Variants in MTCL1 observed in about 807,000 individuals in gnomAD.
MTCL1 encodes microtubule crosslinking factor 1.
In MTCL1, 79 loss-of-function variants were observed where a neutral mutation model predicts 141.4. That is an observed-to-expected ratio of 0.56 (90% CI 0.47 to 0.67). The LOEUF is 0.67. Among genes scored for constraint, MTCL1 ranks in the 30% least tolerant of loss-of-function variants. MTCL1 has a pLI of 0.00. For synonymous variants in MTCL1, 914 were observed against 875.8 expected (o/e 1.04, Z -0.77); for missense variants, 2,177 against 2,113.9 (o/e 1.03, Z -0.59).
chr18:8,756,319 ATGTGTGTATATATATG>A (rs1382238175), intron 4 of MTCL1, among the ~76,000 whole-genome samples: 21 of 151,562 alleles, frequency 1.4e-4, no homozygotes, highest in Admixed American at 9.9e-4. Flanking sequence ...GTGTGTATGT[ATGTGTGTATATATATG>A]TGTGTGTATA....
intron 1 of MTCL1, among the ~76,000 whole-genome samples, chr18:8,710,280 G>A (rs2096079916): frequency 6.6e-6 from 1 of 151,898 alleles, no homozygotes; most frequent in African/African-American, 2.4e-5. Flanking sequence ...GGGTGACTAG[G>A]TGAAAAATGC....
chr18:8,819,630 G>T (rs2076776148), intron 13 of MTCL1, among the ~76,000 whole-genome samples: 1 of 152,060 alleles, frequency 6.6e-6, no homozygotes, highest in South Asian at 2.1e-4. Context: ...GGAGATGGAG[G>T]TCTCACTCTC....
chr18:8,762,146 G>A (rs1421490952), intron 4 of MTCL1, among the ~76,000 whole-genome samples: 1 of 152,172 alleles, frequency 6.6e-6, no homozygotes, highest in Non-Finnish European at 1.5e-5. Context: ...GAGTATTGGT[G>A]TTCAGGTATA....
In MTCL1 at chr18:8,705,697, C is replaced by T. The variant is rs1567913581; in HGVS notation, c.37C>T (p.Pro13Ser). ...GAACGGCCCCGCGGGCGGAGGTGCC[C>T]CGGACGCGAAGCTGCAGCCGCCCGG... is the stretch of plus-strand genomic sequence containing the variant. Residue 13 changes from proline (P) to serine (S), a missense_variant, in exon 1 of 14, where the codon CCG (proline) becomes TCG (serine). Physicochemically the swap from Pro to Ser is moderately conservative, Grantham distance 74. Transcript: ENST00000306329. This position sits in a 1 kb window ranked among gnomAD's most constrained non-coding sequence, Gnocchi z 5.2. 1 of 1,201,792 alleles carries T rather than the reference C, an allele frequency of 8.3e-7. No homozygotes were observed. The allele number at this position is 1,201,792 out of a possible 1,614,324, so 74.4% of individuals were successfully genotyped here. A position where few individuals can be genotyped will look rare whatever the true frequency, so the allele number is the denominator to read the frequency against.
intron 4 of MTCL1, among the ~76,000 whole-genome samples, chr18:8,736,672 C>T (rs1348006671): frequency 3.6e-5 from 5 of 138,468 alleles, no homozygotes; most frequent in Non-Finnish European, 6.1e-5. Context: ...GAGTCTCGCT[C>T]TGTCGCCCAG....
At position 8,830,506 on chromosome 18, in the gene MTCL1, T is replaced by C; in HGVS notation, c.*19-1101T>C. Reference sequence around the variant, plus strand: ...CTCCCGAGTGACACTGCCCATTCCGTGCAGCCGTCTGTCCTTCCCCCGCTG... The same window carrying C: ...CTCCCGAGTGACACTGCCCATTCCGCGCAGCCGTCTGTCCTTCCCCCGCTG... On this transcript the variant is annotated intron_variant, in intron 16 of 16. Transcript: ENST00000359865. This position sits in a 1 kb window ranked among gnomAD's most constrained non-coding sequence, Gnocchi z 6.4. 1 of 986,078 alleles carries C rather than the reference T, an allele frequency of 1.0e-6. No individual in the cohort carries two copies. The highest frequency in any genetic ancestry group is 1.2e-6 in the Non-Finnish European group (1 of 830,434). The allele number at this position is 986,078 out of a possible 1,614,324, so 61.1% of individuals were successfully genotyped here.
At chr18:8,798,280 C>T (rs755859686) in exon 10 of MTCL1, 1 of 1,543,444 alleles carries the variant, frequency 6.5e-7, no homozygotes. Flanking sequence ...CAGGGGACAG[C>T]CCCACAAACA....
intron 14 of MTCL1, among the ~76,000 whole-genome samples, chr18:8,824,327 C>T (rs1009017771): frequency 6.6e-6 from 1 of 152,228 alleles, no homozygotes; most frequent in African/African-American, 2.4e-5. Context: ...ATCGCCGTGG[C>T]TCACCGTCTT....
chr18:8,730,394 C>A (rs1208990899), intron 4 of MTCL1, among the ~76,000 whole-genome samples: 3 of 152,100 alleles, frequency 2.0e-5, no homozygotes, highest in Non-Finnish European at 4.4e-5. Flanking sequence ...TTATTTTTCC[C>A]TTGAGAAAGA....
intron 4 of MTCL1, among the ~76,000 whole-genome samples, chr18:8,747,654 C>G (rs762020694): frequency 1.8e-4 from 27 of 152,178 alleles, no homozygotes; most frequent in Admixed American, 1.2e-3. Context: ...CCAAATAAGG[C>G]CATATTCCCC....
chr18:8,825,199 C>G (rs567433525), exon 15 of MTCL1: 17 of 1,592,160 alleles, frequency 1.1e-5, no homozygotes, highest in Non-Finnish European at 1.5e-5. Flanking sequence ...AAGGGAGGCC[C>G]TCCAGAACCC....
Position 8,784,546 on chromosome 18 carries a change from C to T in MTCL1, c.1434C>T (p.Phe478=), listed in dbSNP as rs1012600857. The T allele has an allele frequency of 3.7e-6, 6 of 1,606,840 alleles. No individual in the cohort carries two copies. In the African/African-American group the frequency reaches 5.3e-5, roughly 14 times the overall value. Reference sequence around the variant, plus strand: ...GCCTCATCACGGACACCGACAGCTTCCTCCATGATGCGGGGCTGCGGGGTG... The same window carrying T: ...GCCTCATCACGGACACCGACAGCTTTCTCCATGATGCGGGGCTGCGGGGTG... Residue 478 remains phenylalanine (F), a synonymous_variant, in exon 6 of 17, where the codon TTC becomes TTT. Transcript: ENST00000359865.
intron 4 of MTCL1, among the ~76,000 whole-genome samples, chr18:8,759,955 T>G (rs1436704998): frequency 6.6e-6 from 1 of 151,934 alleles, no homozygotes; most frequent in Non-Finnish European, 1.5e-5. Context: ...TGAGGGTGGG[T>G]CTGCTCCACC....
At chr18:8,825,237 C>T (rs755533008) in exon 15 of MTCL1, 6 of 1,596,466 alleles carry the variant, frequency 3.8e-6, no homozygotes, top group South Asian at 1.1e-5. Flanking sequence ...TTGCACCTCC[C>T]CCAGGCACTC....
At chr18:8,783,943 C>T (rs1598637701) in exon 6 of MTCL1, 1 of 1,613,686 alleles carries the variant, frequency 6.2e-7, no homozygotes, top group Non-Finnish European at 8.5e-7. Context: ...TCCGCCGCCA[C>T]CTGCAGTTTG....
chr18:8,729,586 G>A (rs2096239481), intron 4 of MTCL1, among the ~76,000 whole-genome samples: 1 of 150,962 alleles, frequency 6.6e-6, no homozygotes, highest in Non-Finnish European at 1.5e-5. Flanking sequence ...AAAATCTTTT[G>A]TAGAGATGAG....
In MTCL1 at chr18:8,828,235, G is replaced by A. The variant is rs533299273; in HGVS notation, c.4723-673G>A. On this transcript the variant is annotated intron_variant, in intron 15 of 16. Coordinates refer to ENST00000359865, the Ensembl canonical transcript of MTCL1. The surrounding 1 kb of genome is among the most constrained non-coding windows in gnomAD (Gnocchi z 5.2). ...GTGCGCTGTTGCGGAATCTTTCCCCGAATGTTCACTCAGGCATCCACACCC... is the reference window on the plus strand; with the variant it reads ...GTGCGCTGTTGCGGAATCTTTCCCCAAATGTTCACTCAGGCATCCACACCC... 1.3e-5 allele frequency among the ~76,000 whole-genome samples: 2 copies of A among 152,214 alleles called. No homozygotes were observed. Among genetic ancestry groups the A allele is most frequent in the South Asian group, 2.1e-4 (1 of 4,812 alleles).
chr18:8,803,563 G>A (rs2076194106), intron 10 of MTCL1, among the ~76,000 whole-genome samples: 2 of 152,208 alleles, frequency 1.3e-5, no homozygotes, highest in South Asian at 4.2e-4. Flanking sequence ...ATCCACTTTT[G>A]CCGTTGTGTG....
intron 14 of MTCL1, among the ~76,000 whole-genome samples, chr18:8,823,166 A>G (rs2076902809): frequency 6.6e-6 from 1 of 152,144 alleles, no homozygotes; most frequent in African/African-American, 2.4e-5. Flanking sequence ...TTCCACCTGC[A>G]AGCGCCTACA....
Sources: allele counts gnomAD v4.1 joint callset (sites outside exome capture counted in the v4.1 genomes callset), GRCh38; gene constraint gnomAD v4.1.1; non-coding constraint Gnocchi (gnomAD v3.1); transcripts MANE v1.5; gene names NCBI Gene and HGNC (gene_info 2026-07-23, HGNC 2026-07-21).